DCUN1D2: variants seen among roughly 807,000 people sequenced by gnomAD.
DCUN1D2 encodes the protein defective in cullin neddylation 1 domain containing 2, also known as DCN1-like protein 2.
In DCUN1D2, 29 loss-of-function variants were observed where a neutral mutation model predicts 30.9. The ratio of observed to expected loss-of-function variants is 0.94; its 90% CI spans 0.70 to 1.28. The LOEUF is 1.28. DCUN1D2 is among the 50% of genes most tolerant of loss of function. DCUN1D2 has a pLI of 0.00. For synonymous variants in DCUN1D2, 121 were observed against 115.3 expected, an observed-to-expected ratio of 1.05 and a Z score of -0.32; for missense variants, 325 against 316.9, an observed-to-expected ratio of 1.03 and a Z score of -0.19.
At chr13:113,485,601 A>G (rs1175849626) in intron 1 of DCUN1D2, among the ~76,000 whole-genome samples, 1 of 151,912 alleles carries the variant, frequency 6.6e-6, no homozygotes, top group African/African-American at 2.4e-5. Flanking sequence ...CCCCTCACAC[A>G]TACCAATTCC....
At chr13:113,462,873 T>C (rs545191965) in intron 4 of DCUN1D2, 20 of 1,260,844 alleles carry the variant, frequency 1.6e-5, no homozygotes, top group East Asian at 5.6e-5. Context: ...AGCTTTCACA[T>C]TGAGAAATGG....
intron 2 of DCUN1D2, among the ~76,000 whole-genome samples, chr13:113,482,608 A>G (rs1345029097): frequency 2.0e-5 from 3 of 152,214 alleles, no homozygotes; most frequent in Admixed American, 6.5e-5. Context: ...AGACTAAAGC[A>G]CACACACAGT....
intron 4 of DCUN1D2, among the ~76,000 whole-genome samples, chr13:113,465,370 T>TTTCC (rs1436883924): frequency 6.6e-6 from 1 of 152,110 alleles, no homozygotes; most frequent in Non-Finnish European, 1.5e-5. Context: ...TGACCCAGAC[T>TTTCC]TTCCTTGAAA....
At chr13:113,463,450 AG>A (rs1159467788) in intron 4 of DCUN1D2, among the ~76,000 whole-genome samples, 5 of 151,846 alleles carry the variant, frequency 3.3e-5, no homozygotes, top group Non-Finnish European at 7.4e-5. Flanking sequence ...ATAGCACTTT[AG>A]GAGGCCGCGG....
chr13:113,490,883 C>A, upstream of DCUN1D2: 1 of 280,286 alleles, frequency 3.6e-6, no homozygotes, highest in Non-Finnish European at 6.2e-6. This position sits in a 1 kb window ranked among gnomAD's most constrained non-coding sequence, Gnocchi z 5.2. Flanking sequence ...TCTGCGAGGG[C>A]CTTGGCTCGC....
intron 4 of DCUN1D2, among the ~76,000 whole-genome samples, chr13:113,470,731 A>AGGGACCCAACTCCACAG (rs1215248009): frequency 1.8e-5 from 2 of 108,874 alleles, no homozygotes; most frequent in Admixed American, 2.0e-4. Flanking sequence ...CAACTCCACA[A>AGGGACCCAACTCCACAG]GGGACCCAAC....
intron 1 of DCUN1D2, among the ~76,000 whole-genome samples, chr13:113,489,439 C>A (rs2044879262): frequency 6.6e-6 from 1 of 152,228 alleles, no homozygotes; most frequent in African/African-American, 2.4e-5. Context: ...TCAGTGGGAT[C>A]TTTTCAGCTG....
intron 2 of DCUN1D2, among the ~76,000 whole-genome samples, chr13:113,481,761 A>G (rs1287853173): frequency 2.6e-5 from 4 of 151,856 alleles, no homozygotes; most frequent in Non-Finnish European, 4.4e-5. Context: ...GCTCACGCCT[A>G]TAGTCCCAGC....
rs2044246494 is a variant in DCUN1D2 at position 113,457,625 on chromosome 13, C to G, written c.*404G>C. ...AAAACGCAGCGCCCTGCAGAGGACA[C>G]ATGCCGTGTTGCCAGTGCCACCGCA... On this transcript the variant is annotated 3_prime_UTR_variant, in exon 7 of 7. Coordinates refer to ENST00000478244, the MANE Select transcript of DCUN1D2 (RefSeq NM_001014283.2). The G allele has an allele frequency of 6.3e-6, 1 of 157,946 alleles. No individual in the cohort carries two copies. Among genetic ancestry groups the G allele is most frequent in the African/African-American group, 2.4e-5 (1 of 41,758 alleles). The allele number at this position is 157,946 out of a possible 1,614,324, so 9.8% of individuals were successfully genotyped here.
intron 1 of DCUN1D2, among the ~76,000 whole-genome samples, chr13:113,487,823 C>T (rs1341190991): frequency 6.6e-6 from 1 of 152,168 alleles, no homozygotes; most frequent in Non-Finnish European, 1.5e-5. Context: ...CTGAATTGTA[C>T]ACTTTAAAAT....
rs956365742 is a variant in DCUN1D2, at chr13:113,461,717, C to T, written c.521-581G>A. 3.3e-5 allele frequency among the ~76,000 whole-genome samples: 5 copies of T among 152,334 alleles called. No individual in the cohort carries two copies. In the East Asian group the frequency reaches 9.6e-4, roughly 29 times the overall value. ...ACTGATGCATCTACACAGGACACTG[C>T]GTATCAATCAAAGCCAACGCCCTCT... On this transcript the variant is annotated intron_variant, in intron 4 of 6. Coordinates refer to ENST00000478244, the MANE Select transcript of DCUN1D2 (RefSeq NM_001014283.2).
intron 3 of DCUN1D2, among the ~76,000 whole-genome samples, chr13:113,477,361 C>G (rs946855574): frequency 1.3e-5 from 2 of 152,122 alleles, no homozygotes; most frequent in Admixed American, 6.5e-5. Flanking sequence ...CCAATTTATT[C>G]TAGGTATTTT....
Position 113,490,603 on chromosome 13 carries a change from G to T in DCUN1D2, c.3+64C>A. On this transcript the variant is annotated intron_variant, in intron 1 of 6. Transcript: ENST00000478244. The surrounding 1 kb of genome is among the most constrained non-coding windows in gnomAD (Gnocchi z 5.2). ...CTCCCACATCCAGCGCGCCGCCTGC[G>T]CCGACCTTGGGGCCCGACCCCGACC... 8.3e-7 allele frequency: 1 copy of T among 1,209,978 alleles called. No homozygotes were observed. Among genetic ancestry groups the T allele is most frequent in the Non-Finnish European group, 1.0e-6 (1 of 971,772 alleles). The allele number at this position is 1,209,978 out of a possible 1,614,324, so 75.0% of individuals were successfully genotyped here. A position where few individuals can be genotyped will look rare whatever the true frequency, so the allele number is the denominator to read the frequency against.
intron 4 of DCUN1D2, among the ~76,000 whole-genome samples, 192 bp downstream of exon 4, chr13:113,473,932 G>A (rs535756242): frequency 2.0e-5 from 3 of 152,334 alleles, no homozygotes; most frequent in East Asian, 3.9e-4. Flanking sequence ...TTGAGCCCAG[G>A]AGATTGAGGC....
In DCUN1D2 at chr13:113,490,566, G is replaced by T; in HGVS notation, c.3+101C>A. Reference sequence around the variant, plus strand: ...CCACGCGGAACGCCCCGCGCAGCTCGCTGGGCTCGGCCTCCCACATCCAGC... The same window carrying T: ...CCACGCGGAACGCCCCGCGCAGCTCTCTGGGCTCGGCCTCCCACATCCAGC... On this transcript the variant is annotated intron_variant, in intron 1 of 6. Coordinates refer to ENST00000478244, the MANE Select transcript of DCUN1D2 (RefSeq NM_001014283.2). This position sits in a 1 kb window ranked among gnomAD's most constrained non-coding sequence, Gnocchi z 5.2. The T allele has an allele frequency of 1.8e-6, 2 of 1,111,990 alleles. No homozygotes were observed. The highest frequency in any genetic ancestry group is 3.7e-5 in the East Asian group (1 of 27,090). 68.9% of individuals were successfully genotyped at this position (1,111,990 alleles called of 1,614,324 possible). A position where few individuals can be genotyped will look rare whatever the true frequency, so the allele number is the denominator to read the frequency against.
intron 1 of DCUN1D2, 68 bp from the exon 2 acceptor site, chr13:113,484,124 C>G: frequency 1.3e-6 from 2 of 1,596,222 alleles, no homozygotes; most frequent in East Asian, 4.5e-5. Flanking sequence ...TTTAGCCTAA[C>G]GCCTGCACTT....
upstream of DCUN1D2, chr13:113,491,407 T>C (rs1418572369): frequency 6.8e-6 from 1 of 146,498 alleles, no homozygotes. Flanking sequence ...GTCCCCTTCC[T>C]TCCTTCCCTC....
At chr13:113,478,261 T>C (rs1410390012) in intron 3 of DCUN1D2, among the ~76,000 whole-genome samples, 2 of 152,188 alleles carry the variant, frequency 1.3e-5, no homozygotes, top group East Asian at 3.8e-4. Flanking sequence ...TATTTCTTCA[T>C]GTGTCAGTTT....
intron 4 of DCUN1D2, among the ~76,000 whole-genome samples, chr13:113,465,093 C>T (rs113504300): frequency 8.5e-5 from 13 of 152,230 alleles, no homozygotes; most frequent in African/African-American, 3.1e-4. Flanking sequence ...GGAAGTATCC[C>T]CTGCATTGCA....
Sources: allele counts gnomAD v4.1 joint callset (sites outside exome capture counted in the v4.1 genomes callset), GRCh38; gene constraint gnomAD v4.1.1; non-coding constraint Gnocchi (gnomAD v3.1); transcripts MANE v1.5; gene names NCBI Gene and HGNC (gene_info 2026-07-23, HGNC 2026-07-21).